JOSD1: variants seen among roughly 807,000 people sequenced by gnomAD.
JOSD1 encodes josephin-1.
In JOSD1, 11 loss-of-function variants were observed where a neutral mutation model predicts 24.3. The observed-to-expected ratio is 0.45, with a 90% CI of 0.29 to 0.75. The LOEUF (loss-of-function observed/expected upper bound fraction) is 0.75, where lower values mean the gene tolerates loss of function less well. JOSD1 is among the 30% of genes least tolerant of loss of function. The pLI is 0.11. For missense variants in JOSD1, 184 were observed against 253.5 expected (o/e 0.73, Z 1.86); for synonymous variants, 106 against 93.8 (o/e 1.13, Z -0.75).
chr22:38,692,893 A>G (rs2092529593), intron 2 of JOSD1, among the ~76,000 whole-genome samples: 1 of 151,694 alleles, frequency 6.6e-6, no homozygotes, highest in Non-Finnish European at 1.5e-5. Context: ...TGTTCCTTTC[A>G]CTGAAGTCTC....
At chr22:38,689,912 C>CTGTGTGTGTGTGTGTG (rs57064558) in intron 2 of JOSD1, among the ~76,000 whole-genome samples, 1,653 of 144,604 alleles carry the variant, frequency 0.011, 17 homozygotes, top group African/African-American at 0.015. Flanking sequence ...TAAAGGCATT[C>CTGTGTGTGTGTGTGTG]TGTGTGTGTG....
At chr22:38,695,232 G>C (rs1208761200) in intron 2 of JOSD1, among the ~76,000 whole-genome samples, 1 of 152,014 alleles carries the variant, frequency 6.6e-6, no homozygotes, top group Non-Finnish European at 1.5e-5. Context: ...AGTCTCTAGA[G>C]GTTAATACTT....
At chr22:38,695,259 A>G (rs1348880371) in intron 2 of JOSD1, among the ~76,000 whole-genome samples, 1 of 152,152 alleles carries the variant, frequency 6.6e-6, no homozygotes, top group Non-Finnish European at 1.5e-5. Context: ...AACTTTTCTC[A>G]GTTATAACCA....
rs2092500346 is a variant in JOSD1 at position 38,686,921 on chromosome 22, C to T, written c.*981G>A. ...ATGCTGCGAAATGGTAGGGACAACA[C>T]TGGAGTGAAGAAACCAAGCCACCCC... On this transcript the variant is annotated 3_prime_UTR_variant, in exon 5 of 5. Coordinates refer to ENST00000683374, the MANE Select transcript of JOSD1 (RefSeq NM_001360236.2). 6.6e-6 allele frequency: 1 copy of T among 152,248 alleles called. No individual in the cohort carries two copies. The highest frequency in any genetic ancestry group is 1.5e-5 in the Non-Finnish European group (1 of 68,050). 9.4% of individuals were successfully genotyped at this position (152,248 alleles called of 1,614,324 possible). A position where few individuals can be genotyped will look rare whatever the true frequency, so the allele number is the denominator to read the frequency against.
In JOSD1 at chr22:38,700,008, G is replaced by C; in HGVS notation, c.-21C>G. ...CTCATGTTTTTTGTTTTAGGTTCCA[G>C]AGATGGCTATAAACACCCCACTCTT... On this transcript the variant is annotated 5_prime_UTR_variant, in exon 2 of 5. Transcript: ENST00000683374. The C allele has an allele frequency of 1.3e-6, 2 of 1,573,520 alleles. No homozygotes were observed. The highest frequency in any genetic ancestry group is 8.6e-7 in the Non-Finnish European group (1 of 1,160,044).
At chr22:38,701,084 G>A, upstream of JOSD1, 3 of 705,602 alleles carry the variant, frequency 4.3e-6, no homozygotes, top group Non-Finnish European at 3.5e-6. Context: ...CATCGGCACC[G>A]GCCTGGGAGC....
rs532793011 is a variant in JOSD1, at chr22:38,690,337, T to TA, written c.186-914dup. On this transcript the variant is annotated intron_variant, in intron 2 of 4. Coordinates refer to ENST00000683374, the MANE Select transcript of JOSD1 (RefSeq NM_001360236.2). ...GACGTTAGGCCAAGGATGTCAACTC[T>TA]AAAAAACTTAAGAAATCTTGTATTT... Among the ~76,000 whole-genome samples the TA allele has an allele frequency of 1.1e-3, 167 of 152,210 alleles. 1 individual carries two copies. Among genetic ancestry groups the TA allele is most frequent in the Non-Finnish European group, 2.0e-3 (138 of 68,012 alleles).
Position 38,687,839 on chromosome 22 carries a change from G to C in JOSD1, c.*63C>G. The C allele has an allele frequency of 3.5e-6, 4 of 1,140,730 alleles. No individual in the cohort carries two copies. Among genetic ancestry groups the C allele is most frequent in the Non-Finnish European group, 5.3e-6 (4 of 752,462 alleles). 70.7% of individuals were successfully genotyped at this position (1,140,730 alleles called of 1,614,324 possible). A position where few individuals can be genotyped will look rare whatever the true frequency, so the allele number is the denominator to read the frequency against. On this transcript the variant is annotated 3_prime_UTR_variant, in exon 5 of 5. Transcript: ENST00000683374. ...AAGTGGCAAGGGCAGACCCACTGTA[G>C]AGGCCACAGCACGTCACAGAGGACT...
Position 38,700,283 on chromosome 22 carries a change from C to CCCCCCGG in JOSD1, c.-297_-296insCCGGGGG. 9.6e-7 allele frequency: 1 copy of CCCCCCGG among 1,044,582 alleles called. No homozygotes were observed. The highest frequency in any genetic ancestry group is 1.2e-6 in the Non-Finnish European group (1 of 862,762). The allele number at this position is 1,044,582 out of a possible 1,614,324, so 64.7% of individuals were successfully genotyped here. A position where few individuals can be genotyped will look rare whatever the true frequency, so the allele number is the denominator to read the frequency against. On this transcript the variant is annotated 5_prime_UTR_variant, in exon 2 of 5. Transcript: ENST00000683374. Reference sequence around the variant, plus strand: ...ATGTAAGACCTTGTTTCCGTTTCCCCACCCTTCCCTCCCACCCCCCTCCAA... The same window carrying CCCCCCGG: ...ATGTAAGACCTTGTTTCCGTTTCCCCCCCCCGGACCCTTCCCTCCCACCCCCCTCCAA...
chr22:38,689,524 G>C, intron 2 of JOSD1, 100 bp from the exon 3 acceptor site: 1 of 1,463,804 alleles, frequency 6.8e-7, no homozygotes, highest in Admixed American at 2.1e-5. Context: ...ACTGCCCCTG[G>C]AAGTTAGTTT....
At chr22:38,689,181 C>T (rs375208848) in intron 3 of JOSD1, 52 bp from the exon 4 acceptor site, 396 of 1,601,476 alleles carry the variant, frequency 2.5e-4, no homozygotes, top group Non-Finnish European at 4.7e-5. Flanking sequence ...TTCCAAGGTT[C>T]CCTGGCTGTA....
At chr22:38,697,876 C>T (rs1343579818) in intron 2 of JOSD1, among the ~76,000 whole-genome samples, 1 of 152,220 alleles carries the variant, frequency 6.6e-6, no homozygotes, top group East Asian at 1.9e-4. Flanking sequence ...GATCAGGGGC[C>T]AAATGTACAG....
chr22:38,696,214 C>T (rs1053469358), intron 2 of JOSD1, among the ~76,000 whole-genome samples: 2 of 151,846 alleles, frequency 1.3e-5, no homozygotes, highest in Non-Finnish European at 2.9e-5. Context: ...ATTTCTATGA[C>T]CCTTTTTTTC....
At position 38,700,093 on chromosome 22, in the gene JOSD1, T is replaced by G. The variant is rs2092562069; in HGVS notation, c.-106A>C. 2.0e-6 allele frequency: 3 copies of G among 1,469,784 alleles called. No homozygotes were observed. Among genetic ancestry groups the G allele is most frequent in the Non-Finnish European group, 2.7e-6 (3 of 1,112,562 alleles). 91.0% of individuals were successfully genotyped at this position (1,469,784 alleles called of 1,614,324 possible). On this transcript the variant is annotated 5_prime_UTR_variant, in exon 2 of 5. Coordinates refer to ENST00000683374, the MANE Select transcript of JOSD1 (RefSeq NM_001360236.2). ...TTCCGGATTCCTGAGGTCCACCTTATTCTCTGGTGTCCATGATTTATGCTT... is the reference window on the plus strand; with the variant it reads ...TTCCGGATTCCTGAGGTCCACCTTAGTCTCTGGTGTCCATGATTTATGCTT...
In JOSD1 at chr22:38,700,332, T is replaced by C. The variant is rs1188939489; in HGVS notation, c.-345A>G. The stretch of plus-strand genomic sequence containing the variant: ...AAAATCCCCACGATTTTCTTGCTGT[T>C]TCCCTCTGCAAATGCCAGGCCTCAA... On this transcript the variant is annotated 5_prime_UTR_variant, in exon 2 of 5. Coordinates refer to ENST00000683374, the MANE Select transcript of JOSD1 (RefSeq NM_001360236.2). The C allele has an allele frequency of 9.8e-7, 1 of 1,015,506 alleles. No homozygotes were observed. Among genetic ancestry groups the C allele is most frequent in the Non-Finnish European group, 1.2e-6 (1 of 848,024 alleles). 62.9% of individuals were successfully genotyped at this position (1,015,506 alleles called of 1,614,324 possible).
intron 2 of JOSD1, among the ~76,000 whole-genome samples, chr22:38,695,150 C>T (rs1043962502): frequency 2.0e-5 from 3 of 152,306 alleles, no homozygotes; most frequent in East Asian, 3.9e-4. Context: ...AAGAGCTAGG[C>T]ACACATTAGT....
chr22:38,697,904 C>T (rs1405904226), intron 2 of JOSD1, among the ~76,000 whole-genome samples: 1 of 152,210 alleles, frequency 6.6e-6, no homozygotes, highest in East Asian at 1.9e-4. Flanking sequence ...AACTTTTCTA[C>T]CAGAGTGTGA....
upstream of JOSD1, chr22:38,700,971 C>G: frequency 2.0e-6 from 2 of 984,976 alleles, no homozygotes; most frequent in Non-Finnish European, 2.4e-6. Context: ...CGCACCTGAG[C>G]CCGACGTCAG....
At chr22:38,696,353 TCA>T (rs942051380) in intron 2 of JOSD1, among the ~76,000 whole-genome samples, 2 of 151,746 alleles carry the variant, frequency 1.3e-5, no homozygotes, top group Middle Eastern at 3.2e-3. Context: ...TTCTCCTGCC[TCA>T]GTTTCCCGAG....
Sources: allele counts gnomAD v4.1 joint callset (sites outside exome capture counted in the v4.1 genomes callset), GRCh38; gene constraint gnomAD v4.1.1; transcripts MANE v1.5; gene names NCBI Gene and HGNC (gene_info 2026-07-23, HGNC 2026-07-21).